NDC80: variants seen among roughly 807,000 people sequenced by gnomAD.
The protein encoded by NDC80 is NDC80 kinetochore complex component, also known as kinetochore protein NDC80 homolog.
Under a neutral mutation model 89.3 loss-of-function variants are expected in NDC80, and 69 were observed. The ratio of observed to expected loss-of-function variants is 0.77; its 90% confidence interval spans 0.64 to 0.94. The LOEUF (loss-of-function observed/expected upper bound fraction) is 0.94. Among genes scored for constraint, NDC80 ranks in the 40% least tolerant of loss-of-function variants. The pLI is 0.00. For missense variants in NDC80, 593 were observed against 739.6 expected (o/e 0.80, Z 2.30); for synonymous variants, 243 against 255.6 (o/e 0.95, Z 0.47).
chr18:2,580,726 A>G (rs1376796860), intron 6 of NDC80, among the ~76,000 whole-genome samples: 1 of 85,472 alleles, frequency 1.2e-5, no homozygotes, highest in African/African-American at 3.4e-5. Context: ...TGGTCTCACC[A>G]TCAGATTTTT....
chr18:2,590,279 C>A, intron 10 of NDC80, 117 bp downstream of exon 10: 1 of 1,065,978 alleles, frequency 9.4e-7, no homozygotes, highest in Non-Finnish European at 1.3e-6. Flanking sequence ...TTAGAGCAGG[C>A]TACCAAGTTT....
rs1465217830 is a variant in NDC80 at position 2,571,613 on chromosome 18, C to G, written c.-80C>G. 1 of 152,256 alleles carries G rather than the reference C, an allele frequency of 6.6e-6. No individual in the cohort carries two copies. The highest frequency in any genetic ancestry group is 2.4e-5 in the African/African-American group (1 of 41,462). The allele number at this position is 152,256 out of a possible 1,614,324, so 9.4% of individuals were successfully genotyped here. On this transcript the variant is annotated 5_prime_UTR_variant, in exon 1 of 17. Transcript: ENST00000261597. ...GACCTGGTGTTTTGATGACCGCTGT[C>G]CTGTCTAGCAGATACTTGCACGGTT...
Position 2,575,131 on chromosome 18 carries a change from G to A in NDC80, c.179+65G>A, listed in dbSNP as rs150879739. ...ATAGCCATACGTTGTTGCCCTCAGA[G>A]AACAAATACATTAGATGACATGGTT... On this transcript the variant is annotated intron_variant, in intron 3 of 16. Transcript: ENST00000261597. 1.0e-3 allele frequency: 1,112 copies of A among 1,096,008 alleles called. 5 individuals are homozygous for A. The African/African-American group carries it at 0.013, about 13-fold the overall frequency. 67.9% of individuals were successfully genotyped at this position (1,096,008 alleles called of 1,614,324 possible).
intron 13 of NDC80, among the ~76,000 whole-genome samples, chr18:2,603,351 TTATACA>T (rs1278080472): frequency 9.9e-5 from 8 of 80,916 alleles, no homozygotes; most frequent in African/African-American, 3.0e-4. Flanking sequence ...GAGAATATGT[TTATACA>T]TATATATATA....
At chr18:2,608,240 C>G (rs941785342) in intron 14 of NDC80, among the ~76,000 whole-genome samples, 1 of 151,350 alleles carries the variant, frequency 6.6e-6, no homozygotes, top group African/African-American at 2.4e-5. Flanking sequence ...GTGTCTCGCT[C>G]TGTCGCTCAG....
At position 2,606,446 on chromosome 18, in the gene NDC80, G is replaced by A; in HGVS notation, c.1496G>A (p.Ser499Asn). Residue 499 changes from serine (S) to asparagine (N), a missense_variant, in exon 14 of 17, where the codon AGT becomes AAT. Physicochemically the swap from Ser to Asn is conservative, Grantham distance 46. Coordinates refer to ENST00000261597, the MANE Select transcript of NDC80 (RefSeq NM_006101.3). ...GCAATGATAACAGAAAGCAAGAGAA[G>A]TGTGAGAACTCTGAAAGAAGAAGTT... ...LNAMITESKR[S>N]VRTLKEEVQK... 1.2e-6 allele frequency: 2 copies of A among 1,604,280 alleles called. No homozygotes were observed. Among genetic ancestry groups the A allele is most frequent in the Non-Finnish European group, 1.7e-6 (2 of 1,174,920 alleles).
chr18:2,608,990 G>T (rs896015732), intron 15 of NDC80, among the ~76,000 whole-genome samples, 160 bp downstream of exon 15: 1 of 151,942 alleles, frequency 6.6e-6, no homozygotes, highest in Non-Finnish European at 1.5e-5. Context: ...CTTATAACTC[G>T]AGAACTTTCC....
At chr18:2,590,214 T>C (rs765714619) in intron 10 of NDC80, 52 bp downstream of exon 10, 2 of 1,491,342 alleles carry the variant, frequency 1.3e-6, no homozygotes, top group Non-Finnish European at 1.8e-6. Context: ...GTGGGATTTG[T>C]CACATGTAAA....
intron 6 of NDC80, chr18:2,582,621 A>G (rs2072584147): frequency 1.3e-5 from 2 of 152,236 alleles, no homozygotes; most frequent in Admixed American, 1.3e-4. Context: ...TATATTCAGT[A>G]GAAGATAATG....
intron 9 of NDC80, 45 bp from the exon 10 acceptor site, chr18:2,589,973 A>G: frequency 8.0e-7 from 1 of 1,252,894 alleles, no homozygotes; most frequent in African/African-American, 1.5e-5. Context: ...TAAAATATGG[A>G]ATGGTTATTA....
chr18:2,591,195 GA>G (rs2072625901), intron 10 of NDC80, among the ~76,000 whole-genome samples: 1 of 152,114 alleles, frequency 6.6e-6, no homozygotes, highest in South Asian at 2.1e-4. Context: ...AGCAACCAAA[GA>G]AAGCTCTTTT....
Position 2,610,753 on chromosome 18 carries a change from C to T in NDC80, c.1689-6C>T. On this transcript the variant is annotated splice_region_variant and splice_polypyrimidine_tract_variant and intron_variant, in intron 15 of 16. Coordinates refer to ENST00000261597, the MANE Select transcript of NDC80 (RefSeq NM_006101.3). Reference sequence around the variant, plus strand: ...GACAACTTAAACAAGAGTTTTTGTTCTACAGATACCAACTAGTTGTGCAAA... The same window carrying T: ...GACAACTTAAACAAGAGTTTTTGTTTTACAGATACCAACTAGTTGTGCAAA... 1.3e-6 allele frequency: 2 copies of T among 1,563,876 alleles called. No homozygotes were observed. The highest frequency in any genetic ancestry group is 1.7e-6 in the Non-Finnish European group (2 of 1,146,536).
intron 5 of NDC80, among the ~76,000 whole-genome samples, chr18:2,578,724 C>T (rs558380416): frequency 2.6e-5 from 4 of 152,070 alleles, no homozygotes; most frequent in Admixed American, 6.5e-5. Context: ...TCTGCAGCTT[C>T]GGGGATAGAT....
Position 2,573,146 on chromosome 18 carries a change from T to C in NDC80, c.101+60T>C. ...TTTATCATCTTAGGCAAAGAAATCA[T>C]AAGAAATAGTTAATATAAAGATGTA... On this transcript the variant is annotated intron_variant, in intron 2 of 16. Transcript: ENST00000261597. The C allele has an allele frequency of 2.3e-6, 3 of 1,321,428 alleles. No homozygotes were observed. The South Asian group carries it at 3.8e-5, about 17-fold the overall frequency. 81.9% of individuals were successfully genotyped at this position (1,321,428 alleles called of 1,614,324 possible).
chr18:2,610,386 T>C (rs1008139997), intron 15 of NDC80, among the ~76,000 whole-genome samples: 5 of 152,214 alleles, frequency 3.3e-5, no homozygotes, highest in African/African-American at 1.2e-4. Flanking sequence ...CCTGCAATTT[T>C]ATTGGTTTTA....
intron 16 of NDC80, among the ~76,000 whole-genome samples, chr18:2,611,979 A>G (rs1373265190): frequency 1.3e-5 from 2 of 151,816 alleles, no homozygotes; most frequent in African/African-American, 2.4e-5. Flanking sequence ...TCAAGCACTA[A>G]GTGTTTCTAT....
chr18:2,575,416 A>G (rs530694990), intron 3 of NDC80, among the ~76,000 whole-genome samples: 117 of 152,046 alleles, frequency 7.7e-4, no homozygotes, highest in African/African-American at 2.6e-3. Context: ...CCAGGAGTTC[A>G]AGACCAGCCT....
intron 14 of NDC80, 135 bp downstream of exon 14, chr18:2,606,642 C>T: frequency 2.1e-6 from 1 of 469,828 alleles, no homozygotes; most frequent in East Asian, 3.5e-5. Flanking sequence ...GGTTAGTTTT[C>T]TCTGCCAAAG....
intron 3 of NDC80, 137 bp from the exon 4 acceptor site, chr18:2,577,609 T>A: frequency 1.1e-6 from 1 of 946,288 alleles, no homozygotes; most frequent in Non-Finnish European, 1.6e-6. Flanking sequence ...TTCTCTGCTT[T>A]AAATAAGAGA....
Sources: gnomAD v4.1 joint callset for allele counts (sites outside exome capture counted in the v4.1 genomes callset) on GRCh38, gnomAD v4.1.1 for gene constraint, MANE v1.5 for transcripts, NCBI Gene and HGNC (gene_info 2026-07-23, HGNC 2026-07-21) for gene names.